PIK3R3: variants seen among roughly 807,000 people sequenced by gnomAD.
The protein encoded by PIK3R3 is phosphoinositide-3-kinase regulatory subunit 3.
PIK3R3 carries 64 observed loss-of-function variants against 62.9 expected under a neutral mutation model. The ratio of observed to expected loss-of-function variants is 1.02; its 90% CI spans 0.83 to 1.25. The LOEUF is 1.25. Among genes scored for constraint, PIK3R3 ranks in the 50% most tolerant of loss-of-function variants. The pLI is 0.00. For missense variants in PIK3R3, 614 were observed against 561.6 expected, an observed-to-expected ratio of 1.09 and a Z score of -0.94; for synonymous variants, 165 against 189.0, an observed-to-expected ratio of 0.87 and a Z score of 1.04.
the PIK3R3 span, among the ~76,000 whole-genome samples, chr1:46,169,713 A>G: frequency 6.6e-6 from 1 of 152,178 alleles, no homozygotes. Context: ...ATCCAAGGAC[A>G]GACAGCTGAG....
chr1:46,051,670 T>C (rs1288144061), intron 7 of PIK3R3, among the ~76,000 whole-genome samples: 1 of 152,180 alleles, frequency 6.6e-6, no homozygotes, highest in Non-Finnish European at 1.5e-5. Context: ...ATTATGTACC[T>C]ATATTGTTAT....
chr1:46,063,105 A>T (rs1267754999), intron 5 of PIK3R3, among the ~76,000 whole-genome samples: 1 of 152,242 alleles, frequency 6.6e-6, no homozygotes, highest in Non-Finnish European at 1.5e-5. Flanking sequence ...GTTTGGTTTC[A>T]TGTCATGGAA....
the PIK3R3 span, among the ~76,000 whole-genome samples, chr1:46,144,623 C>A: frequency 1.3e-5 from 2 of 152,080 alleles, no homozygotes. Flanking sequence ...CAAAAGTTAA[C>A]TGGGCATGGT....
At chr1:46,092,020 C>T (rs1651683668) in intron 1 of PIK3R3, among the ~76,000 whole-genome samples, 1 of 152,092 alleles carries the variant, frequency 6.6e-6, no homozygotes, top group Non-Finnish European at 1.5e-5. Context: ...TCCGAGAATG[C>T]AGAATCTGTG....
chr1:46,050,355 A>G (rs1004371500), intron 7 of PIK3R3, among the ~76,000 whole-genome samples: 5 of 152,140 alleles, frequency 3.3e-5, no homozygotes, highest in Non-Finnish European at 7.4e-5. Flanking sequence ...ACCTGAGGTC[A>G]GGAGTTCGAG....
intron 6 of PIK3R3, chr1:46,057,132 T>G (rs1045322730): frequency 1.3e-5 from 2 of 152,398 alleles, no homozygotes; most frequent in Non-Finnish European, 2.9e-5. Flanking sequence ...TGGTAGTGAA[T>G]AGGTCTCACA....
chr1:46,052,154 A>T (rs1178777745), intron 7 of PIK3R3, among the ~76,000 whole-genome samples: 3 of 152,126 alleles, frequency 2.0e-5, no homozygotes, highest in Non-Finnish European at 2.9e-5. Context: ...AAAATTAAAT[A>T]AAATAAATAA....
At position 46,125,369 on chromosome 1, in the gene PIK3R3, C is replaced by T. The variant is rs538714842; in HGVS notation, c.106+6478G>A. Among the ~76,000 whole-genome samples, 5 of 152,020 alleles carry T rather than the reference C, an allele frequency of 3.3e-5. No individual in the cohort carries two copies. In the South Asian group the frequency reaches 8.3e-4, roughly 25 times the overall value. ...TATCATTAAAAACTGACAACTAGAT[C>T]ATAAAAGAAACATCTTACTACACAC... is the stretch of plus-strand genomic sequence containing the variant. On this transcript the variant is annotated intron_variant, in intron 1 of 9. Coordinates refer to ENST00000262741, the MANE Select transcript of PIK3R3 (RefSeq NM_003629.4).
chr1:46,103,212 G>A (rs1413655801), intron 1 of PIK3R3, among the ~76,000 whole-genome samples: 1 of 152,176 alleles, frequency 6.6e-6, no homozygotes, highest in East Asian at 1.9e-4. Flanking sequence ...TTTCAGATGT[G>A]CAAGATGAAA....
the PIK3R3 span, among the ~76,000 whole-genome samples, chr1:46,162,203 C>A: frequency 1.3e-5 from 2 of 150,316 alleles, no homozygotes; most frequent in African/African-American, 4.9e-5. Context: ...AGCATGGTGG[C>A]TTGAGTGGGG....
At chr1:46,087,369 G>A (rs1330545968) in intron 1 of PIK3R3, among the ~76,000 whole-genome samples, 1 of 151,322 alleles carries the variant, frequency 6.6e-6, no homozygotes, top group Non-Finnish European at 1.5e-5. Context: ...CACCAAGCTC[G>A]CTGAGAATAG....
In PIK3R3 at chr1:46,113,241, T is replaced by C. The variant is rs562276846; in HGVS notation, c.106+18606A>G. Among the ~76,000 whole-genome samples, 4 of 151,928 alleles carry C rather than the reference T, an allele frequency of 2.6e-5. No homozygotes were observed. The South Asian group carries it at 6.2e-4, about 24-fold the overall frequency. ...TAAATATAGCCTTCGGGGCCTTTCA[T>C]GATCTGGACCGCACCTAGTGGTCCA... is the stretch of plus-strand genomic sequence containing the variant. On this transcript the variant is annotated intron_variant, in intron 1 of 9. Transcript: ENST00000262741.
At chr1:46,115,777 G>A (rs6687316) in intron 1 of PIK3R3, among the ~76,000 whole-genome samples, 32,291 of 152,150 alleles carry the variant, frequency 0.21, 3,819 homozygotes, top group Non-Finnish European at 0.26. Context: ...ACAGATAAGT[G>A]TGACAGAAAC....
chr1:46,091,997 TTTG>T (rs1651681841), intron 1 of PIK3R3, among the ~76,000 whole-genome samples: 2 of 152,190 alleles, frequency 1.3e-5, no homozygotes. Flanking sequence ...TCCACAGTTG[TTTG>T]TTATTTCAAT....
intron 1 of PIK3R3, among the ~76,000 whole-genome samples, chr1:46,127,593 G>T (rs748930666): frequency 5.3e-5 from 8 of 152,058 alleles, no homozygotes; most frequent in Admixed American, 1.3e-4. Context: ...AAGACCAAAG[G>T]TGACGCTCTT....
chr1:46,141,376 A>G, the PIK3R3 span, among the ~76,000 whole-genome samples: 6 of 151,858 alleles, frequency 4.0e-5, no homozygotes, highest in African/African-American at 9.7e-5. Flanking sequence ...GGTTCAAGCA[A>G]TTCATTGCCT....
intron 1 of PIK3R3, among the ~76,000 whole-genome samples, chr1:46,087,319 AAAAAAAGAAAG>A (rs1455695875): frequency 6.6e-6 from 1 of 152,066 alleles, no homozygotes; most frequent in Non-Finnish European, 1.5e-5. Flanking sequence ...GAATGTAAAA[AAAAAAAGAAAG>A]AAAAAAGAAA....
the PIK3R3 span, among the ~76,000 whole-genome samples, chr1:46,142,591 G>A: frequency 2.0e-5 from 3 of 152,052 alleles, no homozygotes; most frequent in South Asian, 2.1e-4. Flanking sequence ...CCAGCTACTC[G>A]GGAGGCTGAG....
At chr1:46,119,036 G>A (rs1464528197) in intron 1 of PIK3R3, among the ~76,000 whole-genome samples, 1 of 151,944 alleles carries the variant, frequency 6.6e-6, no homozygotes. Context: ...CATTGCTTTA[G>A]GTCAGGCCCT....
Sources: gnomAD v4.1 joint callset for allele counts (sites outside exome capture counted in the v4.1 genomes callset) on GRCh38, gnomAD v4.1.1 for gene constraint, MANE v1.5 for transcripts, NCBI Gene and HGNC (gene_info 2026-07-23, HGNC 2026-07-21) for gene names.